SCN8A: variants seen among roughly 807,000 people sequenced by gnomAD.
SCN8A encodes the protein sodium voltage-gated channel alpha subunit 8.
In SCN8A, 30 loss-of-function variants were observed where a neutral mutation model predicts 184.1. The ratio of observed to expected loss-of-function variants is 0.16; its 90% CI spans 0.12 to 0.22. The LOEUF (loss-of-function observed/expected upper bound fraction) is 0.22, where lower values mean the gene tolerates loss of function less well. Ranked by LOEUF, SCN8A falls within the 10% of genes least tolerant of loss-of-function variation. The pLI is 1.00. For synonymous variants in SCN8A, 852 were observed against 907.0 expected, an observed-to-expected ratio of 0.94 and a Z score of 1.09; for missense variants, 1,057 against 2,498.9, an observed-to-expected ratio of 0.42 and a Z score of 12.30.
At chr12:51,724,423 G>C (rs1376412957) in intron 12 of SCN8A, among the ~76,000 whole-genome samples, 1 of 152,176 alleles carries the variant, frequency 6.6e-6, no homozygotes, top group African/African-American at 2.4e-5. Context: ...CTCCAGCCTA[G>C]GCAAGAAGAG....
Position 51,790,521 on chromosome 12 carries a change from C to G in SCN8A, c.4524+19C>G. 2 of 1,534,132 alleles carry G rather than the reference C, an allele frequency of 1.3e-6. No homozygotes were observed. Among genetic ancestry groups the G allele is most frequent in the Non-Finnish European group, 1.8e-6 (2 of 1,114,028 alleles). ...CCCCTTGGTAAGTGCATTGTGCAGG[C>G]TGAGGCCTTGGTGAGAACCCATATA... On this transcript the variant is annotated intron_variant, in intron 25 of 26. Transcript: ENST00000627620.
chr12:51,649,369 C>G (rs1042584478), intron 1 of SCN8A, among the ~76,000 whole-genome samples: 6 of 152,204 alleles, frequency 3.9e-5, no homozygotes, highest in African/African-American at 1.4e-4. Flanking sequence ...AGGCATTGCC[C>G]CAGTAGGGAT....
At chr12:51,757,471 G>T (rs1368520244) in intron 14 of SCN8A, among the ~76,000 whole-genome samples, 1 of 152,164 alleles carries the variant, frequency 6.6e-6, no homozygotes, top group Non-Finnish European at 1.5e-5. Context: ...TTCAAATAAG[G>T]CTGAATTTTT....
At chr12:51,648,448 G>A (rs915478505) in intron 1 of SCN8A, among the ~76,000 whole-genome samples, 24 of 152,134 alleles carry the variant, frequency 1.6e-4, no homozygotes, top group Non-Finnish European at 1.9e-4. Flanking sequence ...TTGAAATGTG[G>A]ATGTATTAGT....
intron 1 of SCN8A, among the ~76,000 whole-genome samples, chr12:51,658,715 A>G (rs777694914): frequency 6.6e-6 from 1 of 152,192 alleles, no homozygotes; most frequent in Non-Finnish European, 1.5e-5. Context: ...ATGTTTTAGA[A>G]CTAGATAACT....
intron 11 of SCN8A, among the ~76,000 whole-genome samples, chr12:51,719,930 G>C (rs2138777311): frequency 6.6e-6 from 1 of 151,994 alleles, no homozygotes; most frequent in East Asian, 1.9e-4. Context: ...CAAAAAATTA[G>C]CCGGGCGTGG....
At chr12:51,657,212 G>T (rs1940838929) in intron 1 of SCN8A, among the ~76,000 whole-genome samples, 2 of 152,078 alleles carry the variant, frequency 1.3e-5, no homozygotes, top group African/African-American at 4.8e-5. Flanking sequence ...ATGTGGTACA[G>T]TGTGATATTT....
intron 11 of SCN8A, among the ~76,000 whole-genome samples, chr12:51,720,054 C>A (rs1340960188): frequency 1.0e-5 from 1 of 98,596 alleles, no homozygotes; most frequent in Non-Finnish European, 1.9e-5. Flanking sequence ...CCAGCCTGGG[C>A]GACAGAGCGA....
At position 51,807,678 on chromosome 12, in the gene SCN8A, T is replaced by A. The variant is rs1457058366; in HGVS notation, c.*249T>A. 4 of 546,742 alleles carry A rather than the reference T, an allele frequency of 7.3e-6. No individual in the cohort carries two copies. The highest frequency in any genetic ancestry group is 4.9e-4 in the Middle Eastern group (1 of 2,036). 33.9% of individuals were successfully genotyped at this position (546,742 alleles called of 1,614,324 possible). ...GCAGGTGGTTACTGCATGTTCCACA[T>A]CAGTCAATGCAACTTAGGACAAAAC... On this transcript the variant is annotated 3_prime_UTR_variant, in exon 27 of 27. Transcript: ENST00000627620. This position sits in a 1 kb window ranked among gnomAD's most constrained non-coding sequence, Gnocchi z 4.5.
chr12:51,669,804 G>T (rs117761163), intron 2 of SCN8A, among the ~76,000 whole-genome samples: 1 of 152,080 alleles, frequency 6.6e-6, no homozygotes, highest in East Asian at 1.9e-4. Flanking sequence ...ACATACACAC[G>T]CAGCCCTATA....
intron 16 of SCN8A, among the ~76,000 whole-genome samples, chr12:51,767,875 C>CA (rs1942862420): frequency 1.3e-5 from 2 of 152,204 alleles, no homozygotes; most frequent in African/African-American, 4.8e-5. Flanking sequence ...CTGTCATCAT[C>CA]TGTGACTCCT....
chr12:51,761,226 A>G (rs1035456743), intron 14 of SCN8A, among the ~76,000 whole-genome samples: 2 of 152,142 alleles, frequency 1.3e-5, no homozygotes, highest in Non-Finnish European at 2.9e-5. Flanking sequence ...TGCCTGCAGG[A>G]TATGGAAGTC....
At chr12:51,648,460 C>T (rs945025717) in intron 1 of SCN8A, among the ~76,000 whole-genome samples, 4 of 152,078 alleles carry the variant, frequency 2.6e-5, no homozygotes, top group East Asian at 1.9e-4. Context: ...TGTATTAGTC[C>T]GTTTTTACAC....
intron 11 of SCN8A, chr12:51,713,566 G>C: frequency 2.8e-6 from 2 of 721,708 alleles, no homozygotes; most frequent in Non-Finnish European, 5.0e-6. Context: ...TCGACGGCTG[G>C]AGTCGGACTG....
rs775601133 is a variant in SCN8A, at chr12:51,662,951, G to A, written c.134G>A (p.Arg45Gln). 3.7e-6 allele frequency: 6 copies of A among 1,614,038 alleles called. No individual in the cohort carries two copies. The highest frequency in any genetic ancestry group is 2.2e-5 in the East Asian group (1 of 44,876). ...CCACCAAAGGCCGATGGCAGTCATC[G>A]GGAGGACGATGAGGACAGCAAGCCC... is the stretch of plus-strand genomic sequence containing the variant. ...KKPPKADGSH[R>Q]EDDEDSKPKP... is the part of the protein sequence containing the mutation. The change falls in exon 2 of 27, where the codon CGG becomes CAG. Residue 45 changes from arginine to glutamine, a missense_variant. Arg to Gln is a conservative substitution (Grantham distance 43, BLOSUM62 1). This residue lies in a region of SCN8A where 45 missense variants were observed against 71.3 expected (regional missense o/e 0.63). Coordinates refer to ENST00000627620, the MANE Select transcript of SCN8A (RefSeq NM_001330260.2).
intron 1 of SCN8A, among the ~76,000 whole-genome samples, chr12:51,598,655 C>T (rs1469082781): frequency 6.6e-6 from 1 of 152,078 alleles, no homozygotes; most frequent in Admixed American, 6.5e-5. Context: ...GCACAAAATT[C>T]AAAAATCAAA....
At chr12:51,644,928 G>A (rs1328751625) in intron 1 of SCN8A, among the ~76,000 whole-genome samples, 13 of 145,220 alleles carry the variant, frequency 9.0e-5, no homozygotes, top group East Asian at 2.1e-4. Flanking sequence ...CCCGGCAGCC[G>A]CCCTGTCTGA....
chr12:51,712,513 A>G (rs1448294957), intron 11 of SCN8A: 2 of 772,874 alleles, frequency 2.6e-6, no homozygotes, highest in Non-Finnish European at 4.7e-6. Context: ...ATGCATAACC[A>G]CCACCATAGG....
At chr12:51,707,539 A>G (rs1941804912) in intron 11 of SCN8A, among the ~76,000 whole-genome samples, 1 of 151,946 alleles carries the variant, frequency 6.6e-6, no homozygotes, top group Non-Finnish European at 1.5e-5. Context: ...CTTTATTTTC[A>G]CTGACAGCCG....
Sources: gnomAD v4.1 joint callset for allele counts (sites outside exome capture counted in the v4.1 genomes callset) on GRCh38, gnomAD v4.1.1 for gene constraint, gnomAD v4.1.1 regional missense constraint, Gnocchi (gnomAD v3.1) non-coding constraint, MANE v1.5 for transcripts, NCBI Gene and HGNC (gene_info 2026-07-23, HGNC 2026-07-21) for gene names.